The following SH3KBP1 variants were observed in gnomAD, a reference collection of about 807,000 sequenced individuals.
The protein encoded by SH3KBP1 is SH3 domain containing kinase binding protein 1, also known as SH3 domain-containing kinase-binding protein 1.
SH3KBP1 carries 8 observed loss-of-function variants against 50.1 expected under a neutral mutation model. The observed-to-expected ratio is 0.16, with a 90% CI of 0.09 to 0.29. The LOEUF (loss-of-function observed/expected upper bound fraction) is 0.29, where lower values mean the gene tolerates loss of function less well. Among genes scored for constraint, SH3KBP1 ranks in the 10% least tolerant of loss-of-function variants. The pLI, the probability that SH3KBP1 is intolerant of heterozygous loss-of-function variation, is 1.00. For synonymous variants in SH3KBP1, 227 were observed against 218.6 expected (o/e 1.04, Z -0.34); for missense variants, 377 against 535.2 (o/e 0.70, Z 2.92).
At chrX:19,724,972 C>T (rs758308307) in intron 3 of SH3KBP1, among the ~76,000 whole-genome samples, 1 of 111,710 alleles carries the variant, frequency 9.0e-6, no homozygotes, top group African/African-American at 3.3e-5. Context: ...ACTCTGTGAA[C>T]AGGAACTCAG....
At chrX:19,572,790 G>A (rs761866334) in intron 12 of SH3KBP1, among the ~76,000 whole-genome samples, 2 of 112,028 alleles carry the variant, frequency 1.8e-5, no homozygotes, top group South Asian at 7.3e-4. Context: ...ATAGCCATCT[G>A]AACGATGTTT....
chrX:19,585,938 T>C (rs770221288), intron 12 of SH3KBP1, among the ~76,000 whole-genome samples: 5 of 112,037 alleles, frequency 4.5e-5, no homozygotes, highest in Non-Finnish European at 9.4e-5. Context: ...CAAACCAGTG[T>C]CTAGGGAGCT....
At position 19,854,482 on chromosome X, in the gene SH3KBP1, C is replaced by T. The variant is rs773451123; in HGVS notation, c.5-18200G>A. 5.4e-5 allele frequency among the ~76,000 whole-genome samples: 6 copies of T among 111,759 alleles called. No individual in the cohort carries two copies. In the East Asian group the frequency reaches 1.4e-3, roughly 26 times the overall value. On this transcript the variant is annotated intron_variant, in intron 1 of 17. Coordinates refer to ENST00000397821, the MANE Select transcript of SH3KBP1 (RefSeq NM_031892.3). ...CAAACAAGCTGGACTCACCAGTCTA[C>T]GAGAGCGATGTGCCTACATGTATGT... is the stretch of plus-strand genomic sequence containing the variant.
At chrX:19,836,326 G>C (rs2068056110) in intron 1 of SH3KBP1, 44 bp from the exon 2 acceptor site, 1 of 1,102,211 alleles carries the variant, frequency 9.1e-7, no homozygotes, top group Non-Finnish European at 1.2e-6. Flanking sequence ...TCAGATGTTG[G>C]AGAAGGCTGA....
intron 6 of SH3KBP1, among the ~76,000 whole-genome samples, chrX:19,669,991 A>AT (rs748280429): frequency 4.6e-5 from 5 of 108,914 alleles, no homozygotes; most frequent in African/African-American, 6.7e-5. Flanking sequence ...TCCCCTTAAA[A>AT]TTTTTTTTTC....
At chrX:19,841,224 C>G (rs1166324840) in intron 1 of SH3KBP1, among the ~76,000 whole-genome samples, 4 of 111,433 alleles carry the variant, frequency 3.6e-5, no homozygotes, top group Non-Finnish European at 7.5e-5. Flanking sequence ...CCTCTGCTCA[C>G]TGTCCTTCCT....
chrX:19,804,895 C>G (rs1363870168), intron 2 of SH3KBP1, among the ~76,000 whole-genome samples: 8 of 87,251 alleles, frequency 9.2e-5, no homozygotes, highest in Non-Finnish European at 6.8e-5. Context: ...CCCCCCCCCC[C>G]ACCCGCTGCC....
intron 2 of SH3KBP1, among the ~76,000 whole-genome samples, chrX:19,785,312 G>C (rs2066306593): frequency 9.3e-6 from 1 of 107,821 alleles, no homozygotes; most frequent in East Asian, 2.9e-4. Flanking sequence ...GAGCCCAGGA[G>C]TTGGAGACCA....
At chrX:19,702,723 T>C (rs2063558936) in intron 4 of SH3KBP1, among the ~76,000 whole-genome samples, 1 of 111,374 alleles carries the variant, frequency 9.0e-6, no homozygotes. Context: ...CCAAAAAGCC[T>C]GCATAAAAAT....
chrX:19,809,443 G>C (rs1180805171), intron 2 of SH3KBP1, among the ~76,000 whole-genome samples: 1 of 110,330 alleles, frequency 9.1e-6, no homozygotes, highest in Non-Finnish European at 1.9e-5. Context: ...AGAATCACTT[G>C]AACCCGGGAG....
At chrX:19,832,877 C>T (rs868289435) in intron 2 of SH3KBP1, among the ~76,000 whole-genome samples, 1 of 112,058 alleles carries the variant, frequency 8.9e-6, no homozygotes, top group Non-Finnish European at 1.9e-5. Flanking sequence ...CCAGCTCTCG[C>T]GTGGGCAGTT....
intron 1 of SH3KBP1, among the ~76,000 whole-genome samples, chrX:19,878,590 C>G (rs2069335521): frequency 9.1e-6 from 1 of 109,378 alleles, no homozygotes; most frequent in African/African-American, 3.4e-5. Context: ...CACAAAAAGC[C>G]ACGCTTTCCC....
chrX:19,715,804 G>A (rs932181221), intron 3 of SH3KBP1, among the ~76,000 whole-genome samples: 5 of 112,150 alleles, frequency 4.5e-5, no homozygotes, highest in Non-Finnish European at 9.4e-5. Context: ...ACAGACCTTT[G>A]GAACAGTTGC....
chrX:19,869,229 C>T (rs1050781674), intron 1 of SH3KBP1, among the ~76,000 whole-genome samples: 1 of 112,213 alleles, frequency 8.9e-6, no homozygotes, highest in Non-Finnish European at 1.9e-5. Context: ...ATGCTGTTTG[C>T]AGCCATTACA....
rs779151218 is a variant in SH3KBP1 at position 19,592,154 on chromosome X, G to A, written c.1058-7C>T. The stretch of plus-strand genomic sequence containing the variant: ...TGTTTTCTCTCAGTGGTGCCTAGGA[G>A]GGAAAGGGTAATAGTGATCACAAAA... On this transcript the variant is annotated splice_polypyrimidine_tract_variant and splice_region_variant and intron_variant, in intron 10 of 17. Coordinates refer to ENST00000397821, the MANE Select transcript of SH3KBP1 (RefSeq NM_031892.3). 1 of 1,170,191 alleles carries A rather than the reference G, an allele frequency of 8.5e-7. No individual in the cohort carries two copies. Among genetic ancestry groups the A allele is most frequent in the African/African-American group, 1.8e-5 (1 of 56,365 alleles).
At chrX:19,643,311 T>A (rs749680622) in intron 7 of SH3KBP1, among the ~76,000 whole-genome samples, 10 of 87,844 alleles carry the variant, frequency 1.1e-4, no homozygotes, top group Admixed American at 3.4e-4. Context: ...TTTTTTATTT[T>A]TTTTTTTTTT....
chrX:19,633,628 G>A (rs2061628889), intron 7 of SH3KBP1, among the ~76,000 whole-genome samples: 1 of 112,270 alleles, frequency 8.9e-6, no homozygotes, highest in Non-Finnish European at 1.9e-5. Flanking sequence ...GCACTACAGA[G>A]TCCTGGCTTT....
intron 4 of SH3KBP1, among the ~76,000 whole-genome samples, chrX:19,699,448 T>G (rs2063495140): frequency 8.9e-6 from 1 of 112,080 alleles, no homozygotes; most frequent in Non-Finnish European, 1.9e-5. Context: ...ATCCCACCTG[T>G]GTCCCTCTAC....
At chrX:19,599,425 T>C (rs1387476942) in intron 9 of SH3KBP1, among the ~76,000 whole-genome samples, 1 of 112,063 alleles carries the variant, frequency 8.9e-6, no homozygotes, top group Non-Finnish European at 1.9e-5. Context: ...ATGAAGAGTG[T>C]GGTCACAGCA....
Sources: gnomAD v4.1 joint callset for allele counts (sites outside exome capture counted in the v4.1 genomes callset) on GRCh38, gnomAD v4.1.1 for gene constraint, MANE v1.5 for transcripts, NCBI Gene and HGNC (gene_info 2026-07-23, HGNC 2026-07-21) for gene names.